B4GALNT3: variants seen among roughly 807,000 people sequenced by gnomAD.
B4GALNT3 encodes beta-1,4-N-acetyl-galactosaminyltransferase 3.
A neutral mutation model predicts 120.2 loss-of-function variants in B4GALNT3; 86 were observed. That is an observed-to-expected ratio of 0.72 (90% CI 0.60 to 0.86). The LOEUF (loss-of-function observed/expected upper bound fraction) is 0.86, where lower values mean the gene tolerates loss of function less well. B4GALNT3 is among the 40% of genes least tolerant of loss of function. The pLI, the probability that B4GALNT3 is intolerant of heterozygous loss-of-function variation, is 0.00. For synonymous variants in B4GALNT3, 518 were observed against 510.4 expected, an observed-to-expected ratio of 1.01 and a Z score of -0.20; for missense variants, 1,167 against 1,298.9, an observed-to-expected ratio of 0.90 and a Z score of 1.56.
intron 3 of B4GALNT3, 64 bp downstream of exon 3, chr12:536,359 C>G: frequency 7.1e-7 from 1 of 1,404,430 alleles, no homozygotes. Context: ...ACAGATAATT[C>G]CAGAGATCAC....
rs1333841174 is a variant in B4GALNT3, at chr12:558,054, C to T, written c.2573C>T (p.Ser858Leu). The change falls in exon 17 of 20, where the codon TCA becomes TTA. Residue 858 changes from serine (S) to leucine (L), a missense_variant. Transcript: ENST00000266383. ...AAGCTAAGTGGAAACTTTGAACGCT[C>T]AGCTGGACTTCAGGCTGGCATAGAC... is the stretch of plus-strand genomic sequence containing the variant. ...YVKLSGNFER[S>L]AGLQAGIDLV... 1.3e-5 allele frequency: 21 copies of T among 1,613,962 alleles called. No homozygotes were observed. The highest frequency in any genetic ancestry group is 3.3e-4 in the Middle Eastern group (2 of 6,062).
chr12:519,981 T>C (rs1221665071), intron 1 of B4GALNT3, among the ~76,000 whole-genome samples: 4 of 152,152 alleles, frequency 2.6e-5, no homozygotes, highest in African/African-American at 9.7e-5. Context: ...AATTTCAACA[T>C]ATATTTGACC....
intron 14 of B4GALNT3, among the ~76,000 whole-genome samples, chr12:554,771 C>T (rs1431827308): frequency 2.3e-5 from 2 of 87,736 alleles, no homozygotes; most frequent in Admixed American, 2.2e-4. Context: ...GCCTGGGCGA[C>T]AGAGCAAGAC....
intron 1 of B4GALNT3, among the ~76,000 whole-genome samples, chr12:507,271 TCA>T (rs1946507050): frequency 6.6e-6 from 1 of 152,216 alleles, no homozygotes; most frequent in South Asian, 2.1e-4. Context: ...CAACCTTTTT[TCA>T]CATAACTATA....
intron 1 of B4GALNT3, among the ~76,000 whole-genome samples, chr12:500,279 G>T (rs4980926): frequency 0.14 from 21,963 of 152,132 alleles, 2,099 homozygotes; most frequent in Admixed American, 0.31. Flanking sequence ...AAAGTGTTGA[G>T]ATTACAGGCA....
intron 1 of B4GALNT3, among the ~76,000 whole-genome samples, chr12:501,992 C>T (rs1403191584): frequency 6.6e-6 from 1 of 152,206 alleles, no homozygotes; most frequent in Non-Finnish European, 1.5e-5. Flanking sequence ...GCCTTCCCCT[C>T]GCCCTTTATT....
chr12:510,506 C>T (rs1441964763), intron 1 of B4GALNT3, among the ~76,000 whole-genome samples: 1 of 115,958 alleles, frequency 8.6e-6, no homozygotes, highest in Non-Finnish European at 2.1e-5. Context: ...GGAAACGGGC[C>T]CTTTCAAGAG....
At chr12:477,710 C>A (rs1946197704) in intron 1 of B4GALNT3, among the ~76,000 whole-genome samples, 1 of 152,190 alleles carries the variant, frequency 6.6e-6, no homozygotes, top group South Asian at 2.1e-4. Context: ...AATCCTGGAA[C>A]ACATGAATGA....
intron 1 of B4GALNT3, among the ~76,000 whole-genome samples, chr12:476,564 TCACGCCACTG>T (rs1341493780): frequency 1.3e-5 from 2 of 152,174 alleles, no homozygotes; most frequent in East Asian, 3.9e-4. Context: ...TGAGCTGTGA[TCACGCCACTG>T]CACCCCAGCC....
intron 1 of B4GALNT3, among the ~76,000 whole-genome samples, chr12:483,842 A>G (rs1946264399): frequency 6.6e-6 from 1 of 152,150 alleles, no homozygotes; most frequent in South Asian, 2.1e-4. Context: ...TTTCATGGTG[A>G]ATCTTCTTTG....
At chr12:547,928 T>G in intron 7 of B4GALNT3, 96 bp from the exon 8 acceptor site, 1 of 1,009,408 alleles carries the variant, frequency 9.9e-7, no homozygotes, top group Non-Finnish European at 1.5e-6. Context: ...GGAGAAGGGA[T>G]GAGGGAGTGT....
intron 1 of B4GALNT3, among the ~76,000 whole-genome samples, chr12:525,894 G>T (rs1468181738): frequency 1.3e-5 from 2 of 152,214 alleles, no homozygotes; most frequent in South Asian, 4.1e-4. Context: ...GGACTCTTTA[G>T]GACACTGAAG....
rs141797651 is a variant in B4GALNT3, at chr12:558,880, G to A, written c.2761+219G>A. Among the ~76,000 whole-genome samples the A allele has an allele frequency of 3.4e-3, 516 of 151,654 alleles. 3 individuals are homozygous for A. The highest frequency in any genetic ancestry group is 0.027 in the Middle Eastern group (8 of 294). ...AGGTGCAGCAGTGCACACCTCCTGC[G>A]CCGTCTTCTCCTTGATTCATTCATC... On this transcript the variant is annotated intron_variant, in intron 18 of 19. Coordinates refer to ENST00000266383, the MANE Select transcript of B4GALNT3 (RefSeq NM_173593.4).
At position 522,161 on chromosome 12, in the gene B4GALNT3, A is replaced by C. The variant is rs1378528217; in HGVS notation, c.170-13005A>C. On this transcript the variant is annotated intron_variant, in intron 1 of 19. Transcript: ENST00000266383. ...CTGCTCCTTGTGTGCAGTTTAAAAA[A>C]ATGTGCCTTCCAAGAGCATGGCAAG... Among the ~76,000 whole-genome samples, 10 of 152,250 alleles carry C rather than the reference A, an allele frequency of 6.6e-5. No homozygotes were observed. The East Asian group carries it at 1.7e-3, about 26-fold the overall frequency.
At chr12:464,990 A>G (rs1163095423) in intron 1 of B4GALNT3, among the ~76,000 whole-genome samples, 1 of 152,196 alleles carries the variant, frequency 6.6e-6, no homozygotes, top group Non-Finnish European at 1.5e-5. Context: ...AGGGCACAGC[A>G]GTAATCTGAG....
At chr12:546,749 C>T (rs1222073952) in intron 7 of B4GALNT3, 36 bp downstream of exon 7, 10 of 1,532,582 alleles carry the variant, frequency 6.5e-6, no homozygotes, top group African/African-American at 1.4e-5. Flanking sequence ...GTGGGCGCCT[C>T]GGTGCCTCGG....
intron 1 of B4GALNT3, among the ~76,000 whole-genome samples, chr12:491,656 C>G (rs1946340766): frequency 6.6e-6 from 1 of 151,512 alleles, no homozygotes; most frequent in Non-Finnish European, 1.5e-5. Flanking sequence ...TCTTAATAAA[C>G]TAGGAATAGA....
Position 548,182 on chromosome 12 carries a change from A to T in B4GALNT3, c.787-49A>T, listed in dbSNP as rs774331919. ...CCTTGTCCCTTGACCCCTGTTGGAA[A>T]TCCAGCTACCTCCCACCTTCTGCAT... On this transcript the variant is annotated intron_variant, in intron 8 of 19. Coordinates refer to ENST00000266383, the MANE Select transcript of B4GALNT3 (RefSeq NM_173593.4). The surrounding 1 kb of genome is among the most constrained non-coding windows in gnomAD (Gnocchi z 4.9). The T allele has an allele frequency of 6.2e-7, 1 of 1,609,680 alleles. No homozygotes were observed. Among genetic ancestry groups the T allele is most frequent in the East Asian group, 2.2e-5 (1 of 44,874 alleles).
At position 552,536 on chromosome 12, in the gene B4GALNT3, G is replaced by C. The variant is rs918851674; in HGVS notation, c.1270+8G>C. 1 of 1,613,172 alleles carries C rather than the reference G, an allele frequency of 6.2e-7. No homozygotes were observed. The highest frequency in any genetic ancestry group is 8.5e-7 in the Non-Finnish European group (1 of 1,179,678). Reference sequence around the variant, plus strand: ...AGGGGCTGGAGCAGCCAGGTACAGAGTGACAGCTGAGGCTTCCAGGTCAGG... The same window carrying C: ...AGGGGCTGGAGCAGCCAGGTACAGACTGACAGCTGAGGCTTCCAGGTCAGG... On this transcript the variant is annotated splice_region_variant and intron_variant, in intron 13 of 19. Transcript: ENST00000266383.
Sources: allele counts gnomAD v4.1 joint callset (sites outside exome capture counted in the v4.1 genomes callset), GRCh38; gene constraint gnomAD v4.1.1; non-coding constraint Gnocchi (gnomAD v3.1); transcripts MANE v1.5; gene names NCBI Gene and HGNC (gene_info 2026-07-23, HGNC 2026-07-21).